DCBLD1: variants seen among roughly 807,000 people sequenced by gnomAD.
DCBLD1 encodes the protein discoidin, CUB and LCCL domain-containing protein 1.
DCBLD1 carries 57 observed loss-of-function variants against 71.5 expected under a neutral mutation model. The observed-to-expected ratio is 0.80, with a 90% CI of 0.64 to 0.99. DCBLD1 has a LOEUF of 0.99. Ranked by LOEUF, DCBLD1 falls within the 50% of genes least tolerant of loss-of-function variation. The pLI is 0.00. For missense variants in DCBLD1, 891 were observed against 923.5 expected, an observed-to-expected ratio of 0.96 and a Z score of 0.46; for synonymous variants, 380 against 363.8, an observed-to-expected ratio of 1.04 and a Z score of -0.51.
rs139203694 is a variant in DCBLD1 at position 117,561,418 on chromosome 6, T to C, written c.1616-8202T>C. On this transcript the variant is annotated intron_variant, in intron 14 of 14. Transcript: ENST00000296955. ...CATCCCAGGCTGTGTTTTAAGAAGATAAGAATAACATGGTTTCATGTCACA... is the reference window on the plus strand; with the variant it reads ...CATCCCAGGCTGTGTTTTAAGAAGACAAGAATAACATGGTTTCATGTCACA... 1.9e-3 allele frequency: 435 copies of C among 224,094 alleles called. 5 individuals carry two copies. Among genetic ancestry groups the C allele is most frequent in the Non-Finnish European group, 1.6e-3 (182 of 112,226 alleles). 13.9% of individuals were successfully genotyped at this position (224,094 alleles called of 1,614,324 possible).
intron 12 of DCBLD1, among the ~76,000 whole-genome samples, chr6:117,544,032 A>G (rs1229338405): frequency 2.0e-5 from 3 of 152,232 alleles, no homozygotes; most frequent in African/African-American, 7.2e-5. Context: ...TATAATGTGT[A>G]TATTAGTACA....
At chr6:117,550,261 G>C (rs1016796150), downstream of DCBLD1, among the ~76,000 whole-genome samples, 1 of 150,708 alleles carries the variant, frequency 6.6e-6, no homozygotes, top group African/African-American at 2.4e-5. Context: ...TTTTTTTTTT[G>C]GATCATCACT....
intron 1 of DCBLD1, among the ~76,000 whole-genome samples, chr6:117,491,713 A>G (rs1175866857): frequency 1.3e-5 from 2 of 152,116 alleles, no homozygotes; most frequent in African/African-American, 4.8e-5. Context: ...CATATTAGTT[A>G]TTATGTCTCT....
At chr6:117,506,007 AT>A (rs950931723) in intron 2 of DCBLD1, among the ~76,000 whole-genome samples, 5 of 152,084 alleles carry the variant, frequency 3.3e-5, no homozygotes, top group Non-Finnish European at 7.4e-5. Context: ...TTCTCCTTGA[AT>A]TTTTTTCTGT....
chr6:117,517,630 T>C (rs574006858), intron 2 of DCBLD1, among the ~76,000 whole-genome samples: 4 of 152,266 alleles, frequency 2.6e-5, no homozygotes, highest in African/African-American at 9.6e-5. Context: ...TTTCCATACG[T>C]CTTCTGAAAT....
chr6:117,494,269 G>A (rs1582966219), intron 1 of DCBLD1, among the ~76,000 whole-genome samples: 1 of 152,268 alleles, frequency 6.6e-6, no homozygotes, highest in East Asian at 1.9e-4. Flanking sequence ...ATAAAACTCA[G>A]TTTAACTTTG....
At chr6:117,507,522 C>T (rs1182615301) in intron 2 of DCBLD1, among the ~76,000 whole-genome samples, 1 of 152,108 alleles carries the variant, frequency 6.6e-6, no homozygotes, top group African/African-American at 2.4e-5. Flanking sequence ...CTGGCCAAAA[C>T]AAAACAAAAA....
intron 2 of DCBLD1, among the ~76,000 whole-genome samples, chr6:117,516,222 G>A (rs374275543): frequency 7.3e-5 from 11 of 151,712 alleles, no homozygotes; most frequent in Admixed American, 1.3e-4. Flanking sequence ...TTAGCCAGGC[G>A]TGGTGGTGGG....
exon 15 of DCBLD1, chr6:117,569,786 T>C (rs1779771028): frequency 2.0e-6 from 3 of 1,491,440 alleles, no homozygotes; most frequent in African/African-American, 1.4e-5. Flanking sequence ...TAAGGTACAG[T>C]TACCGATTAA....
Position 117,548,001 on chromosome 6 carries a change from G to A in DCBLD1, c.1710G>A (p.Val570=). ...ACACGGATGCCGAGGAGGCAGGGGTGAGCACCGATGCCGGCGGCCACTATG... is the reference window on the plus strand; with the variant it reads ...ACACGGATGCCGAGGAGGCAGGGGTAAGCACCGATGCCGGCGGCCACTATG... ...PMDTDAEEAG[V]STDAGGHYDC... The change falls in exon 15 of 15, where the codon GTG becomes GTA. Residue 570 remains valine, a synonymous_variant. Transcript: ENST00000338728. 6.4e-7 allele frequency: 1 copy of A among 1,550,486 alleles called. No individual in the cohort carries two copies.
chr6:117,548,328 G>A lies in DCBLD1; in HGVS notation c.2037G>A (p.Gly679=), dbSNP rs210621. 1,139,699 of 1,550,548 alleles carry A rather than the reference G, an allele frequency of 0.74. 421,991 individuals are homozygous for A. Among genetic ancestry groups the A allele is most frequent in the African/African-American group, 0.95 (69,303 of 73,164 alleles). Residue 679 remains glycine, a synonymous_variant, in exon 15 of 15, where the codon GGG becomes GGA. Coordinates refer to ENST00000338728, the MANE Select transcript of DCBLD1 (RefSeq NM_001366458.2). ...KAVSALATES[G]HPDSQKPPTH... ...TCAGCGCCCTCGCCACCGAAAGCGG[G>A]CACCCTGACTCTCAGAAGCCCCCAA...
intron 14 of DCBLD1, among the ~76,000 whole-genome samples, chr6:117,547,092 T>C (rs780955524): frequency 6.6e-6 from 1 of 152,226 alleles, no homozygotes; most frequent in African/African-American, 2.4e-5. Context: ...TCTTTGCTTT[T>C]TTACCTCTCA....
intron 7 of DCBLD1, among the ~76,000 whole-genome samples, chr6:117,538,215 T>TA (rs1778966561): frequency 6.6e-6 from 1 of 152,224 alleles, no homozygotes; most frequent in South Asian, 2.1e-4. Context: ...ACATCTGCTT[T>TA]TCAAGTATGT....
downstream of DCBLD1, among the ~76,000 whole-genome samples, chr6:117,550,541 C>T (rs1219376015): frequency 6.6e-6 from 1 of 152,184 alleles, no homozygotes; most frequent in Admixed American, 6.5e-5. Flanking sequence ...AGCAAGACTA[C>T]ACTTACACAG....
At chr6:117,487,490 C>T (rs889970257) in intron 1 of DCBLD1, among the ~76,000 whole-genome samples, 16 of 152,086 alleles carry the variant, frequency 1.1e-4, no homozygotes, top group South Asian at 2.1e-4. Context: ...AGCCAGGTGT[C>T]GTGGTGTCCT....
At chr6:117,483,015 CGGGA>C in intron 1 of DCBLD1, 122 bp downstream of exon 1, 1 of 1,003,266 alleles carries the variant, frequency 1.0e-6, no homozygotes, top group Non-Finnish European at 1.2e-6. Context: ...GGACGGAGCG[CGGGA>C]GGAAGTCGGG....
intron 14 of DCBLD1, 56 bp downstream of exon 14, chr6:117,545,653 G>T (rs1779244050): frequency 6.4e-7 from 1 of 1,572,138 alleles, no homozygotes; most frequent in Non-Finnish European, 8.6e-7. Flanking sequence ...GCTTGTGGGG[G>T]AGGGAGACAG....
At chr6:117,550,388 G>T (rs1018899608), downstream of DCBLD1, among the ~76,000 whole-genome samples, 1 of 152,080 alleles carries the variant, frequency 6.6e-6, no homozygotes, top group Admixed American at 6.5e-5. Flanking sequence ...TTCTTTTTTG[G>T]TGTTTTGCAA....
rs1315925529 is a variant in DCBLD1, at chr6:117,544,548, C to T, written c.1466C>T (p.Pro489Leu). 14 of 1,613,608 alleles carry T rather than the reference C, an allele frequency of 8.7e-6. No homozygotes were observed. Among genetic ancestry groups the T allele is most frequent in the East Asian group, 4.5e-5 (2 of 44,852 alleles). ...GATAGGAAGAAGAAGAAAGGAAGTC[C>T]GTATGGATCAGCAGAGGCTCAGAAA... ...AFRKKKKKGS[P>L]YGSAEAQKTD... Residue 489 changes from proline (P) to leucine (L), a missense_variant, in exon 13 of 15, where the codon CCG (proline) becomes CTG (leucine). By Grantham distance (98) the Pro-to-Leu change is moderately conservative. Transcript: ENST00000338728.
Sources: allele counts gnomAD v4.1 joint callset (sites outside exome capture counted in the v4.1 genomes callset), GRCh38; gene constraint gnomAD v4.1.1; transcripts MANE v1.5; gene names NCBI Gene and HGNC (gene_info 2026-07-23, HGNC 2026-07-21).